Variants in PPL observed in about 807,000 individuals in gnomAD.
The protein encoded by PPL is 190 kDa paraneoplastic pemphigus antigen.
A neutral mutation model predicts 194.4 loss-of-function variants in PPL; 198 were observed. That is an observed-to-expected ratio of 1.02 (90% CI 0.91 to 1.15). The LOEUF (loss-of-function observed/expected upper bound fraction) is 1.15. Ranked by LOEUF, PPL falls within the 50% of genes most tolerant of loss-of-function variation. The pLI is 0.00. For missense variants in PPL, 2,885 were observed against 2,294.8 expected, an observed-to-expected ratio of 1.26 and a Z score of -5.25; for synonymous variants, 1,220 against 972.4, an observed-to-expected ratio of 1.25 and a Z score of -4.74.
chr16:4,911,873 G>C (rs981979765), intron 1 of PPL, among the ~76,000 whole-genome samples: 1 of 151,660 alleles, frequency 6.6e-6, no homozygotes, highest in Non-Finnish European at 1.5e-5. Context: ...GTCTCACTCT[G>C]TCACCCAGAC....
chr16:4,924,212 T>G (rs891522937), intron 1 of PPL, among the ~76,000 whole-genome samples: 2 of 152,226 alleles, frequency 1.3e-5, no homozygotes, highest in African/African-American at 4.8e-5. Flanking sequence ...CGAATTTTTT[T>G]CTATTTTATT....
intron 1 of PPL, among the ~76,000 whole-genome samples, chr16:4,924,511 C>G (rs2089119581): frequency 6.6e-6 from 1 of 152,180 alleles, no homozygotes; most frequent in Admixed American, 6.5e-5. Context: ...TCACTCGGTG[C>G]CTGGTACCCA....
Position 4,895,596 on chromosome 16 carries a change from C to T in PPL, c.1093G>A (p.Asp365Asn). 2.5e-6 allele frequency: 4 copies of T among 1,613,910 alleles called. No homozygotes were observed. Among genetic ancestry groups the T allele is most frequent in the Non-Finnish European group, 3.4e-6 (4 of 1,180,014 alleles). The change falls in exon 10 of 22, where the codon GAT (aspartate) becomes AAT (asparagine). Residue 365 changes from aspartate (D) to asparagine (N), a missense_variant and splice_region_variant. By Grantham distance (23) the Asp-to-Asn change is conservative. Coordinates refer to ENST00000345988, the MANE Select transcript of PPL (RefSeq NM_002705.5). ...AGGGGTCCTGGGCCATCGCTCACAT[C>T]CAGCTCCCGCAGCAGCAGCTCAATC... ...YQIELLLREL[D>N]DQEKVLDKYE...
chr16:4,917,168 A>G (rs2088937886), intron 1 of PPL, among the ~76,000 whole-genome samples: 1 of 152,096 alleles, frequency 6.6e-6, no homozygotes, highest in South Asian at 2.1e-4. Context: ...ACAAAAAAAC[A>G]AAAAAATCTA....
rs1308724663 is a variant in PPL, at chr16:4,899,085, C to T, written c.804G>A (p.Glu268=). ...CCTCGCTGTGCAGTTTGTTGATTCTCTCCTCTTTGGCCTCCAGGTTCCGGT... is the reference window on the plus strand; with the variant it reads ...CCTCGCTGTGCAGTTTGTTGATTCTTTCCTCTTTGGCCTCCAGGTTCCGGT... ...FINRNLEAKE[E]RINKLHSEGD... The change falls in exon 8 of 22, where the codon GAG becomes GAA. Residue 268 remains glutamate (E), a synonymous_variant. Coordinates refer to ENST00000345988, the MANE Select transcript of PPL (RefSeq NM_002705.5). 1 of 1,605,188 alleles carries T rather than the reference C, an allele frequency of 6.2e-7. No homozygotes were observed.
chr16:4,916,173 G>C (rs2088912740), intron 1 of PPL, among the ~76,000 whole-genome samples: 1 of 152,154 alleles, frequency 6.6e-6, no homozygotes, highest in South Asian at 2.1e-4. Context: ...GTCACCATAA[G>C]ACCCAGCAAG....
In PPL at chr16:4,885,673, G is replaced by A. The variant is rs373213280; in HGVS notation, c.2982C>T (p.Val994=). The A allele has an allele frequency of 2.5e-6, 4 of 1,613,334 alleles. No homozygotes were observed. The African/African-American group carries it at 5.3e-5, about 22-fold the overall frequency. The change falls in exon 22 of 22, where the codon GTC becomes GTT. Residue 994 remains valine (V), a synonymous_variant. Coordinates refer to ENST00000345988, the MANE Select transcript of PPL (RefSeq NM_002705.5). The surrounding 1 kb of genome is among the most constrained non-coding windows in gnomAD (Gnocchi z 6.3). ...CAGGCTCGATGCGCAGGACCTCCTT[G>A]ACCACGTACTCCTGCCCCCCGTCTC... ...ETRDGGQEYV[V]KEVLRIEPDR...
chr16:4,909,509 C>T (rs1308240009), intron 2 of PPL, among the ~76,000 whole-genome samples: 2 of 150,416 alleles, frequency 1.3e-5, no homozygotes, highest in South Asian at 2.1e-4. Flanking sequence ...TCACTGCAAC[C>T]TCCGCCTCCC....
At chr16:4,888,040 TG>T in intron 20 of PPL, 61 bp downstream of exon 20, 2 of 1,211,648 alleles carry the variant, frequency 1.7e-6, no homozygotes, top group Non-Finnish European at 2.4e-6. Context: ...CCATGCTCCC[TG>T]GGGAGCAGGG....
rs1011027062 is a variant in PPL at position 4,902,023 on chromosome 16, T to G, written c.438+383A>C. ...TTGAACCCGGGACACCTAGCTGCAG[T>G]GGCTGTGTGCTTCTCTGTGGTGAGC... On this transcript the variant is annotated intron_variant, in intron 4 of 21. Transcript: ENST00000345988. This position sits in a 1 kb window ranked among gnomAD's most constrained non-coding sequence, Gnocchi z 4.0. Among the ~76,000 whole-genome samples, 1 of 152,042 alleles carries G rather than the reference T, an allele frequency of 6.6e-6. No individual in the cohort carries two copies. Among genetic ancestry groups the G allele is most frequent in the Non-Finnish European group, 1.5e-5 (1 of 67,998 alleles).
Position 4,893,294 on chromosome 16 carries a change from C to G in PPL, c.1569G>C (p.Lys523Asn), listed in dbSNP as rs912057212. The change falls in exon 14 of 22, where the codon AAG becomes AAC. Residue 523 changes from lysine (K) to asparagine (N), a missense_variant. Physicochemically the swap from Lys to Asn is moderately conservative, Grantham distance 94. Transcript: ENST00000345988. ...KVASDLDRQE[K>N]AITGILRPPL... The stretch of plus-strand genomic sequence containing the variant: ...GTGGCCGCAGGATCCCTGTGATGGC[C>G]TTCTCCTGCCGGTCCAGGTCGCTGG... 5 of 1,605,362 alleles carry G rather than the reference C, an allele frequency of 3.1e-6. No homozygotes were observed. The highest frequency in any genetic ancestry group is 4.2e-6 in the Non-Finnish European group (5 of 1,178,464).
In PPL at chr16:4,895,365, C is replaced by T. The variant is rs371195256; in HGVS notation, c.1138G>A (p.Gly380Arg). The T allele has an allele frequency of 6.2e-7, 1 of 1,613,276 alleles. No individual in the cohort carries two copies. The highest frequency in any genetic ancestry group is 8.5e-7 in the Non-Finnish European group (1 of 1,179,978). ...ACCTGCTGGCCTCGCTTCTGCAGCC[C>T]CTGCACCACGTCCTCATACTTGTCC... ...VLDKYEDVVQ[G>R]LQKRGQQVVP... The change falls in exon 11 of 22, where the codon GGG (glycine) becomes AGG (arginine). Residue 380 changes from glycine to arginine, a missense_variant. By Grantham distance (125) the Gly-to-Arg change is moderately radical (BLOSUM62 -2). Transcript: ENST00000345988.
intron 1 of PPL, among the ~76,000 whole-genome samples, chr16:4,927,398 A>C (rs1234700608): frequency 6.6e-6 from 1 of 152,230 alleles, no homozygotes; most frequent in Non-Finnish European, 1.5e-5. Flanking sequence ...ATGTCCATGG[A>C]GATTTTGACT....
At position 4,883,522 on chromosome 16, in the gene PPL, G is replaced by A. The variant is rs758039285; in HGVS notation, c.5133C>T (p.His1711=). The change falls in exon 22 of 22, where the codon CAC becomes CAT. Residue 1711 remains histidine (H), a synonymous_variant. Coordinates refer to ENST00000345988, the MANE Select transcript of PPL (RefSeq NM_002705.5). The surrounding 1 kb of genome is among the most constrained non-coding windows in gnomAD (Gnocchi z 4.8). The stretch of plus-strand genomic sequence containing the variant: ...AGAACTTCTTGCCAGACTTCCTGTC[G>A]TGTATCACTGAGGACTCCCCATTGG... ...KGPNGESSVI[H]DRKSGKKFSI... 2.5e-5 allele frequency: 41 copies of A among 1,614,060 alleles called. No individual in the cohort carries two copies. The highest frequency in any genetic ancestry group is 4.0e-5 in the African/African-American group (3 of 74,926).
chr16:4,892,136 G>A lies in PPL; in HGVS notation c.1728C>T (p.Ala576=), dbSNP rs1596548446. 1 of 1,613,804 alleles carries A rather than the reference G, an allele frequency of 6.2e-7. No individual in the cohort carries two copies. The highest frequency in any genetic ancestry group is 1.1e-5 in the South Asian group (1 of 91,084). ...GGGGTGTGGTGCCACTGCCTGGGAG[G>A]GCCTGGATGAAGGCTTCGCCCTCAG... ...STAEGEAFIQ[A]LPGSGTTPLL... The change falls in exon 15 of 22, where the codon GCC becomes GCT. Residue 576 remains alanine, a synonymous_variant. Coordinates refer to ENST00000345988, the MANE Select transcript of PPL (RefSeq NM_002705.5).
At chr16:4,904,427 A>G (rs2088641081) in intron 2 of PPL, among the ~76,000 whole-genome samples, 1 of 152,166 alleles carries the variant, frequency 6.6e-6, no homozygotes, top group Non-Finnish European at 1.5e-5. Context: ...GATGAGCCTC[A>G]TGGAGGTGAC....
chr16:4,912,878 C>A (rs752144283), intron 1 of PPL, among the ~76,000 whole-genome samples: 12 of 152,048 alleles, frequency 7.9e-5, no homozygotes, highest in Non-Finnish European at 1.3e-4. Context: ...CCAAGGCGGG[C>A]GAATCACCTG....
intron 1 of PPL, among the ~76,000 whole-genome samples, chr16:4,918,929 AGCCGCATCGGG>A (rs1186834292): frequency 6.6e-6 from 1 of 151,908 alleles, no homozygotes; most frequent in Non-Finnish European, 1.5e-5. Flanking sequence ...CTCGGTAATG[AGCCGCATCGGG>A]GCAGCCAGAC....
At position 4,884,394 on chromosome 16, in the gene PPL, G is replaced by T. The variant is rs1198877399; in HGVS notation, c.4261C>A (p.Gln1421Lys). 6.2e-7 allele frequency: 1 copy of T among 1,609,980 alleles called. No individual in the cohort carries two copies. The highest frequency in any genetic ancestry group is 1.3e-5 in the African/African-American group (1 of 74,784). The change falls in exon 22 of 22, where the codon CAG becomes AAG. Residue 1421 changes from glutamine (Q) to lysine (K), a missense_variant. Transcript: ENST00000345988. The surrounding 1 kb of genome is among the most constrained non-coding windows in gnomAD (Gnocchi z 5.7). Reference protein sequence around the residue: ...QARREAEREVQRLQQRLAALE... With the variant: ...QARREAEREVKRLQQRLAALE... ...GCTGCCAGCCGCTGCTGCAACCGCTGTACCTCGCGCTCGGCCTCCCTGCGG... is the reference window on the plus strand; with the variant it reads ...GCTGCCAGCCGCTGCTGCAACCGCTTTACCTCGCGCTCGGCCTCCCTGCGG...
Sources: allele counts gnomAD v4.1 joint callset (sites outside exome capture counted in the v4.1 genomes callset), GRCh38; gene constraint gnomAD v4.1.1; non-coding constraint Gnocchi (gnomAD v3.1); transcripts MANE v1.5; gene names NCBI Gene and HGNC (gene_info 2026-07-23, HGNC 2026-07-21).